LRMDA: variants seen among roughly 807,000 people sequenced by gnomAD.
LRMDA encodes the protein leucine rich melanocyte differentiation associated.
LRMDA carries 18 observed loss-of-function variants against 29.8 expected under a neutral mutation model. The ratio of observed to expected loss-of-function variants is 0.60; its 90% CI spans 0.42 to 0.90. LRMDA has a LOEUF of 0.90. Among genes scored for constraint, LRMDA ranks in the 40% least tolerant of loss-of-function variants. The pLI is 0.00. For missense variants in LRMDA, 273 were observed against 273.9 expected (o/e 1.00, Z 0.02); for synonymous variants, 125 against 109.4 (o/e 1.14, Z -0.89).
chr10:76,317,469 T>C (rs1422378300), intron 5 of LRMDA, among the ~76,000 whole-genome samples: 1 of 152,220 alleles, frequency 6.6e-6, no homozygotes, highest in African/African-American at 2.4e-5. Flanking sequence ...AGCCATTGTA[T>C]ATGAGTAGTG....
intron 2 of LRMDA, among the ~76,000 whole-genome samples, chr10:75,811,233 G>A (rs1035263195): frequency 3.3e-5 from 5 of 152,178 alleles, no homozygotes; most frequent in Non-Finnish European, 5.9e-5. Context: ...ATGGTTGCCT[G>A]TCTGGTTATT....
intron 6 of LRMDA, among the ~76,000 whole-genome samples, chr10:76,453,611 G>A (rs908152173): frequency 3.9e-5 from 6 of 152,270 alleles, no homozygotes; most frequent in South Asian, 2.1e-4. Context: ...TGGATAAACC[G>A]GTAACCACAA....
intron 5 of LRMDA, among the ~76,000 whole-genome samples, chr10:76,226,087 T>C (rs1851952241): frequency 1.3e-5 from 2 of 152,090 alleles, no homozygotes; most frequent in Non-Finnish European, 2.9e-5. Flanking sequence ...TAGTATTCCA[T>C]GGTGTATATG....
chr10:75,616,106 C>T (rs549200554), intron 2 of LRMDA, among the ~76,000 whole-genome samples: 4 of 152,012 alleles, frequency 2.6e-5, no homozygotes, highest in South Asian at 2.1e-4. Context: ...ACAGTCATGG[C>T]GGAAGGCAAA....
chr10:76,049,345 A>C (rs766125594), intron 4 of LRMDA, among the ~76,000 whole-genome samples: 3 of 152,196 alleles, frequency 2.0e-5, no homozygotes, highest in Non-Finnish European at 4.4e-5. Flanking sequence ...ATTAACTTAG[A>C]AAATTTACAT....
At chr10:75,494,515 CT>C (rs34902194) in intron 2 of LRMDA, among the ~76,000 whole-genome samples, 46 of 102,866 alleles carry the variant, frequency 4.5e-4, no homozygotes, top group Middle Eastern at 7.5e-3. Context: ...ATGTTTGTTC[CT>C]TTTTTTTTTT....
chr10:76,539,466 G>A (rs1021850019), intron 6 of LRMDA, among the ~76,000 whole-genome samples: 3 of 152,124 alleles, frequency 2.0e-5, no homozygotes, highest in East Asian at 1.9e-4. Context: ...ACTAGGAACT[G>A]GAGCTGCAAA....
intron 5 of LRMDA, among the ~76,000 whole-genome samples, chr10:76,084,121 A>G (rs546642815): frequency 1.3e-5 from 2 of 152,190 alleles, no homozygotes; most frequent in Non-Finnish European, 2.9e-5. Flanking sequence ...TAACTGAGAT[A>G]CCACCTCTTC....
chr10:76,493,092 G>A (rs778404731), intron 6 of LRMDA, among the ~76,000 whole-genome samples: 4 of 152,122 alleles, frequency 2.6e-5, no homozygotes, highest in Admixed American at 6.6e-5. Context: ...AGCCAGACTC[G>A]TGTTCCTCTA....
chr10:75,918,885 G>C (rs11815127), intron 2 of LRMDA, among the ~76,000 whole-genome samples: 5,287 of 152,200 alleles, frequency 0.035, 208 homozygotes, highest in East Asian at 0.22. Flanking sequence ...CCCAGGCACT[G>C]TGTGTGAAGA....
intron 5 of LRMDA, among the ~76,000 whole-genome samples, chr10:76,105,759 G>A (rs1030267336): frequency 6.6e-6 from 1 of 152,036 alleles, no homozygotes; most frequent in Non-Finnish European, 1.5e-5. Context: ...GTTTTGTTTT[G>A]TTTTTTTGAG....
At chr10:76,199,733 G>A (rs1256834082) in intron 5 of LRMDA, among the ~76,000 whole-genome samples, 1 of 152,090 alleles carries the variant, frequency 6.6e-6, no homozygotes, top group African/African-American at 2.4e-5. Context: ...AACAAATTGG[G>A]AAGCTATCTC....
intron 2 of LRMDA, among the ~76,000 whole-genome samples, chr10:75,771,188 G>A (rs138290007): frequency 1.1e-4 from 16 of 152,180 alleles, no homozygotes; most frequent in African/African-American, 3.4e-4. Context: ...CTTGGAAAAT[G>A]GCCGTAGGGG....
chr10:75,915,842 C>T (rs9804225), intron 2 of LRMDA, among the ~76,000 whole-genome samples: 2 of 152,060 alleles, frequency 1.3e-5, no homozygotes, highest in African/African-American at 2.4e-5. Context: ...AGCTAGAATA[C>T]CAGGCCAGTG....
chr10:75,916,193 T>TGGGG (rs1554833958), intron 2 of LRMDA, among the ~76,000 whole-genome samples: 11 of 140,154 alleles, frequency 7.8e-5, no homozygotes, highest in Admixed American at 6.3e-4. Context: ...TGTGTGTGTG[T>TGGGG]GTGGGTGGGT....
intron 2 of LRMDA, among the ~76,000 whole-genome samples, chr10:75,950,060 A>C (rs1846547099): frequency 6.6e-6 from 1 of 152,212 alleles, no homozygotes; most frequent in Non-Finnish European, 1.5e-5. Flanking sequence ...AGTCCTTGCC[A>C]AGACGGCAAA....
At chr10:75,832,638 C>T (rs1020578458) in intron 2 of LRMDA, among the ~76,000 whole-genome samples, 2 of 152,204 alleles carry the variant, frequency 1.3e-5, no homozygotes, top group Admixed American at 6.5e-5. Flanking sequence ...TGTCTTCACA[C>T]TGCTGATAAA....
At chr10:75,940,783 T>C (rs780454792) in intron 2 of LRMDA, among the ~76,000 whole-genome samples, 14 of 152,020 alleles carry the variant, frequency 9.2e-5, no homozygotes, top group African/African-American at 2.4e-4. Flanking sequence ...TGTGTGTGTG[T>C]GCGCGCGCGT....
chr10:75,856,170 C>A (rs1251353315), intron 2 of LRMDA, among the ~76,000 whole-genome samples: 4 of 152,152 alleles, frequency 2.6e-5, no homozygotes, highest in African/African-American at 9.7e-5. Context: ...TGGCCATTTT[C>A]ATGATATTGA....
Sources: gnomAD v4.1 joint callset for allele counts (sites outside exome capture counted in the v4.1 genomes callset) on GRCh38, gnomAD v4.1.1 for gene constraint, MANE v1.5 for transcripts, NCBI Gene and HGNC (gene_info 2026-07-23, HGNC 2026-07-21) for gene names.